The following RNF144A variants were observed in gnomAD, a reference collection of about 807,000 sequenced individuals.
The protein encoded by RNF144A is ring finger protein 144A.
In RNF144A, 11 loss-of-function variants were observed where a neutral mutation model predicts 38.7. The ratio of observed to expected loss-of-function variants is 0.28; its 90% CI spans 0.18 to 0.47. The LOEUF (loss-of-function observed/expected upper bound fraction) is 0.47, where lower values mean the gene tolerates loss of function less well. Ranked by LOEUF, RNF144A falls within the 20% of genes least tolerant of loss-of-function variation. The pLI is 0.99. For missense variants in RNF144A, 316 were observed against 377.2 expected, an observed-to-expected ratio of 0.84 and a Z score of 1.34; for synonymous variants, 149 against 143.9, an observed-to-expected ratio of 1.04 and a Z score of -0.25.
chr2:7,026,143 T>C (rs933807683), intron 7 of RNF144A, among the ~76,000 whole-genome samples: 1 of 152,186 alleles, frequency 6.6e-6, no homozygotes, highest in Non-Finnish European at 1.5e-5. Context: ...GAGTGTCTCT[T>C]TGAGATGGAC....
chr2:6,998,125 AT>A (rs1558418390), intron 3 of RNF144A, among the ~76,000 whole-genome samples: 1 of 152,078 alleles, frequency 6.6e-6, no homozygotes, highest in African/African-American at 2.4e-5. Flanking sequence ...AAAACACAAT[AT>A]TTATCATTTT....
intron 1 of RNF144A, chr2:6,918,457 T>G (rs1664289901): frequency 6.6e-6 from 1 of 152,296 alleles, no homozygotes; most frequent in Non-Finnish European, 1.5e-5. Flanking sequence ...TCGTGGTCTT[T>G]TTTCTAGAGA....
intron 2 of RNF144A, among the ~76,000 whole-genome samples, chr2:6,979,411 A>G (rs780326596): frequency 6.6e-6 from 1 of 152,224 alleles, no homozygotes; most frequent in Non-Finnish European, 1.5e-5. Context: ...TTATCTCTGC[A>G]TCCTAGCCAA....
chr2:7,036,208 T>C (rs1042609419), intron 8 of RNF144A, among the ~76,000 whole-genome samples: 1 of 152,206 alleles, frequency 6.6e-6, no homozygotes, highest in Non-Finnish European at 1.5e-5. Flanking sequence ...TCATTTTCTC[T>C]AGAGTAACCT....
intron 1 of RNF144A, among the ~76,000 whole-genome samples, chr2:6,930,716 T>C (rs1665152823): frequency 6.6e-6 from 1 of 152,068 alleles, no homozygotes; most frequent in African/African-American, 2.4e-5. Context: ...CTCAGCCTCC[T>C]GAATAGCTGG....
chr2:7,059,057 C>A (rs1221445001), intron 6 of RNF144A, among the ~76,000 whole-genome samples: 1 of 152,058 alleles, frequency 6.6e-6, no homozygotes, highest in Non-Finnish European at 1.5e-5. Flanking sequence ...TAAAAAAATA[C>A]TGTGGATGGG....
rs533447194 is a variant in RNF144A, at chr2:7,021,128, G to A, written c.509+448G>A. Among the ~76,000 whole-genome samples the A allele has an allele frequency of 7.2e-4, 110 of 152,228 alleles. 1 individual carries two copies. Among genetic ancestry groups the A allele is most frequent in the African/African-American group, 2.6e-3 (106 of 41,540 alleles). Reference sequence around the variant, plus strand: ...GGATGGGGAGACACTCCCTGGTGGCGGCCTCCCCTGCAGCCATAGTCGGGC... The same window carrying A: ...GGATGGGGAGACACTCCCTGGTGGCAGCCTCCCCTGCAGCCATAGTCGGGC... On this transcript the variant is annotated intron_variant, in intron 6 of 8. Transcript: ENST00000320892.
chr2:7,007,900 C>T lies in RNF144A; in HGVS notation c.136-6554C>T, dbSNP rs192863377. Among the ~76,000 whole-genome samples, 29 of 152,350 alleles carry T rather than the reference C, an allele frequency of 1.9e-4. No homozygotes were observed. In the East Asian group the frequency reaches 3.1e-3, roughly 16 times the overall value. ...TGTTTGGAAGCTGAGGCTGCAGGAG[C>T]GAGCTCCTTGCTAAGGAAGGAACAT... is the stretch of plus-strand genomic sequence containing the variant. On this transcript the variant is annotated intron_variant, in intron 3 of 8. Transcript: ENST00000320892.
At chr2:6,992,032 A>T (rs983660018) in intron 2 of RNF144A, among the ~76,000 whole-genome samples, 2 of 152,188 alleles carry the variant, frequency 1.3e-5, no homozygotes, top group East Asian at 3.9e-4. Flanking sequence ...ACCCAGAAGA[A>T]ATGGGAGTTA....
At chr2:6,991,752 T>A (rs778915202) in intron 2 of RNF144A, among the ~76,000 whole-genome samples, 6 of 151,842 alleles carry the variant, frequency 4.0e-5, no homozygotes, top group Non-Finnish European at 7.4e-5. Flanking sequence ...CATTTAACAG[T>A]CTCTCTCTCT....
intron 3 of RNF144A, among the ~76,000 whole-genome samples, chr2:6,999,397 G>A (rs1240003637): frequency 2.0e-5 from 3 of 152,202 alleles, no homozygotes; most frequent in Admixed American, 2.0e-4. Flanking sequence ...AGGCCATGGG[G>A]AGGAGCCCTG....
chr2:7,052,745 G>GA (rs1205663930), intron 6 of RNF144A, among the ~76,000 whole-genome samples: 5 of 151,980 alleles, frequency 3.3e-5, no homozygotes, highest in South Asian at 2.1e-4. Context: ...GGGTGGGGGG[G>GA]AATCACTCGT....
chr2:7,069,592 T>C (rs1394463321), downstream of RNF144A, among the ~76,000 whole-genome samples: 1 of 152,240 alleles, frequency 6.6e-6, no homozygotes, highest in Non-Finnish European at 1.5e-5. Flanking sequence ...TCTCTGCCTC[T>C]TTTGTTCTTA....
chr2:7,064,904 C>T (rs2103481864), intron 6 of RNF144A, among the ~76,000 whole-genome samples: 1 of 152,336 alleles, frequency 6.6e-6, no homozygotes, highest in East Asian at 1.9e-4. Flanking sequence ...AGAACCCCTT[C>T]AAGTCACTTG....
rs535202184 is a variant in RNF144A, at chr2:7,032,054, A to G, written c.747+1839A>G. Among the ~76,000 whole-genome samples, 10 of 152,400 alleles carry G rather than the reference A, an allele frequency of 6.6e-5. No individual in the cohort carries two copies. The East Asian group carries it at 1.9e-3, about 29-fold the overall frequency. On this transcript the variant is annotated intron_variant, in intron 8 of 8. Coordinates refer to ENST00000320892, the MANE Select transcript of RNF144A (RefSeq NM_014746.6). Reference sequence around the variant, plus strand: ...AGGAATTATGTCCCAATAAAGCTGTATGGATAAACAAAACAGAACAGATGA... The same window carrying G: ...AGGAATTATGTCCCAATAAAGCTGTGTGGATAAACAAAACAGAACAGATGA...
At chr2:7,003,824 G>A (rs1003257602) in intron 3 of RNF144A, among the ~76,000 whole-genome samples, 1 of 152,226 alleles carries the variant, frequency 6.6e-6, no homozygotes, top group African/African-American at 2.4e-5. Context: ...ATCAAGGTTG[G>A]GATCTAAAGG....
intron 1 of RNF144A, among the ~76,000 whole-genome samples, chr2:6,937,162 A>G (rs772619245): frequency 2.1e-4 from 32 of 152,312 alleles, no homozygotes; most frequent in Non-Finnish European, 3.7e-4. Flanking sequence ...ACCAGAGTAT[A>G]TGAAGAACAA....
intron 1 of RNF144A, among the ~76,000 whole-genome samples, chr2:6,937,878 A>G (rs1401091926): frequency 2.0e-5 from 3 of 152,164 alleles, no homozygotes; most frequent in Admixed American, 6.5e-5. Flanking sequence ...AATGCTTGCT[A>G]TTTTAGTAAA....
intron 2 of RNF144A, among the ~76,000 whole-genome samples, chr2:6,985,415 A>T (rs1668889259): frequency 6.6e-6 from 1 of 151,848 alleles, no homozygotes; most frequent in African/African-American, 2.4e-5. Flanking sequence ...CCTTCTCTAG[A>T]ATAGTATTTA....
Sources: gnomAD v4.1 joint callset for allele counts (sites outside exome capture counted in the v4.1 genomes callset) on GRCh38, gnomAD v4.1.1 for gene constraint, MANE v1.5 for transcripts, NCBI Gene and HGNC (gene_info 2026-07-23, HGNC 2026-07-21) for gene names.